The following COL21A1 variants were observed in gnomAD, a reference collection of about 807,000 sequenced individuals.
COL21A1 encodes collagen alpha-1(XXI) chain.
In COL21A1, 149 loss-of-function variants were observed where a neutral mutation model predicts 137.9. That is an observed-to-expected ratio of 1.08 (90% CI 0.95 to 1.24). COL21A1 has a LOEUF of 1.24. Among genes scored for constraint, COL21A1 ranks in the 50% most tolerant of loss-of-function variants. COL21A1 has a pLI of 0.00. For missense variants in COL21A1, 1,167 were observed against 1,158.4 expected (o/e 1.01, Z -0.11); for synonymous variants, 456 against 391.5 (o/e 1.16, Z -1.95).
chr6:56,346,753 G>A (rs1258029374), intron 1 of COL21A1, among the ~76,000 whole-genome samples: 1 of 152,154 alleles, frequency 6.6e-6, no homozygotes, highest in East Asian at 1.9e-4. Flanking sequence ...CTCCCAGTGA[G>A]AGCTGTACCG....
At chr6:56,364,162 T>G (rs191050190) in intron 1 of COL21A1, among the ~76,000 whole-genome samples, 1 of 152,084 alleles carries the variant, frequency 6.6e-6, no homozygotes, top group African/African-American at 2.4e-5. Context: ...GCTGATGAGC[T>G]CTTTAGTGCC....
intron 17 of COL21A1, among the ~76,000 whole-genome samples, chr6:56,080,543 T>C (rs1767662167): frequency 6.6e-6 from 1 of 151,822 alleles, no homozygotes; most frequent in South Asian, 2.1e-4. Context: ...ATGACAATAT[T>C]ACTTAGAAAA....
intron 1 of COL21A1, among the ~76,000 whole-genome samples, chr6:56,316,595 C>T (rs958686101): frequency 1.5e-5 from 2 of 137,762 alleles, no homozygotes; most frequent in African/African-American, 5.3e-5. Flanking sequence ...GATTCTTGTG[C>T]CTCCGCCTCC....
At chr6:56,127,692 C>T (rs567478142) in intron 12 of COL21A1, among the ~76,000 whole-genome samples, 1 of 152,314 alleles carries the variant, frequency 6.6e-6, no homozygotes, top group South Asian at 2.1e-4. Flanking sequence ...TTCAATGTCA[C>T]TAATAAGACG....
intron 1 of COL21A1, among the ~76,000 whole-genome samples, chr6:56,228,235 T>C (rs1041610705): frequency 6.6e-6 from 1 of 151,882 alleles, no homozygotes; most frequent in African/African-American, 2.4e-5. Context: ...AAGCTCACAA[T>C]GGCAGCAGTA....
chr6:56,301,285 A>G (rs532331191), intron 1 of COL21A1, among the ~76,000 whole-genome samples: 1 of 152,292 alleles, frequency 6.6e-6, no homozygotes, highest in Admixed American at 6.5e-5. Context: ...TGTCTGAGTT[A>G]GAAAGAAATT....
intron 1 of COL21A1, among the ~76,000 whole-genome samples, chr6:56,199,053 G>T (rs894207050): frequency 2.0e-5 from 3 of 152,000 alleles, no homozygotes; most frequent in Non-Finnish European, 4.4e-5. Context: ...AACCTTGTGA[G>T]AAATGCTACC....
Position 56,171,265 on chromosome 6 carries a change from GTA to G in COL21A1, c.641-139_641-138del, listed in dbSNP as rs1425498320. On this transcript the variant is annotated intron_variant, in intron 3 of 29. Transcript: ENST00000244728. ...ATCTACATATGTATACAAATGTATAGTATATAAATGTATATGAATACATTTTC... is the reference window on the plus strand; with the variant it reads ...ATCTACATATGTATACAAATGTATAGTATAAATGTATATGAATACATTTTC... 6 of 430,172 alleles carry G rather than the reference GTA, an allele frequency of 1.4e-5. No homozygotes were observed. The East Asian group carries it at 2.1e-4, about 15-fold the overall frequency. The allele number at this position is 430,172 out of a possible 1,614,324, so 26.6% of individuals were successfully genotyped here. A position where few individuals can be genotyped will look rare whatever the true frequency, so the allele number is the denominator to read the frequency against.
intron 1 of COL21A1, among the ~76,000 whole-genome samples, chr6:56,307,723 C>T (rs1156552185): frequency 6.6e-6 from 1 of 152,138 alleles, no homozygotes; most frequent in African/African-American, 2.4e-5. Context: ...GCACTGCACC[C>T]ACGGTCCTGC....
In COL21A1 at chr6:56,180,005, C is replaced by G. The variant is rs752502737; in HGVS notation, c.213G>C (p.Pro71=). The G allele has an allele frequency of 6.2e-7, 1 of 1,613,804 alleles. No homozygotes were observed. The highest frequency in any genetic ancestry group is 8.5e-7 in the Non-Finnish European group (1 of 1,179,806). The change falls in exon 3 of 30, where the codon CCG becomes CCC. Residue 71 remains proline, a synonymous_variant. Transcript: ENST00000244728. ...VNITKNFDIG[P]KFIQVGVVQY... ...GAACCACTCCAACTTGAATAAACTT[C>G]GGCCCTATGTCAAAGTTTTTTGTGA...
chr6:56,198,323 T>C (rs1779167336), intron 1 of COL21A1, among the ~76,000 whole-genome samples: 1 of 152,100 alleles, frequency 6.6e-6, no homozygotes, highest in Non-Finnish European at 1.5e-5. Flanking sequence ...TAATAATTTA[T>C]TTTATACTTG....
At chr6:56,323,019 G>T (rs1764911248) in intron 1 of COL21A1, among the ~76,000 whole-genome samples, 2 of 152,000 alleles carry the variant, frequency 1.3e-5, no homozygotes, top group South Asian at 4.2e-4. Flanking sequence ...GGCTCAGAAA[G>T]GTGGGAGGAT....
chr6:56,199,308 A>G (rs1779228419), intron 1 of COL21A1, among the ~76,000 whole-genome samples: 1 of 152,024 alleles, frequency 6.6e-6, no homozygotes, highest in South Asian at 2.1e-4. Context: ...TTTTTAATCA[A>G]CCTTTTAATG....
chr6:56,325,007 T>G (rs1262241004), intron 1 of COL21A1, among the ~76,000 whole-genome samples: 1 of 151,330 alleles, frequency 6.6e-6, no homozygotes, highest in East Asian at 2.0e-4. Context: ...AAGTTTCTCC[T>G]AGTTTATTAC....
chr6:56,111,995 TA>T (rs760706601), intron 16 of COL21A1, among the ~76,000 whole-genome samples: 445 of 146,560 alleles, frequency 3.0e-3, no homozygotes, highest in Non-Finnish European at 3.1e-3. Context: ...TTATGATTTC[TA>T]AAAAAAAAAA....
intron 29 of COL21A1, among the ~76,000 whole-genome samples, chr6:56,058,064 G>A (rs1009892466): frequency 6.6e-6 from 1 of 151,666 alleles, no homozygotes; most frequent in Non-Finnish European, 1.5e-5. Context: ...TGAAAACTAG[G>A]CTAAGCATAT....
intron 1 of COL21A1, among the ~76,000 whole-genome samples, chr6:56,326,108 A>G (rs1765084514): frequency 7.5e-6 from 1 of 132,496 alleles, no homozygotes; most frequent in South Asian, 2.2e-4. Context: ...GAATTTTAAC[A>G]TAAAACAAAA....
intron 10 of COL21A1, among the ~76,000 whole-genome samples, chr6:56,150,514 TCACACACACACACACACACACACA>T (rs747022399): frequency 6.5e-5 from 3 of 46,186 alleles, no homozygotes; most frequent in African/African-American, 2.7e-4. Context: ...CGAGACTCCA[TCACACACACACACACACACACACA>T]CACACACACA....
chr6:56,311,605 T>C (rs546654706), intron 1 of COL21A1, among the ~76,000 whole-genome samples: 2 of 152,250 alleles, frequency 1.3e-5, no homozygotes, highest in East Asian at 1.9e-4. Flanking sequence ...GTGCTTATAG[T>C]TGTGTGTGTA....
Sources: allele counts gnomAD v4.1 joint callset (sites outside exome capture counted in the v4.1 genomes callset), GRCh38; gene constraint gnomAD v4.1.1; transcripts MANE v1.5; gene names NCBI Gene and HGNC (gene_info 2026-07-23, HGNC 2026-07-21).